Variants in CPLANE1 observed in about 807,000 individuals in gnomAD.
CPLANE1 encodes the protein ciliogenesis and planar polarity effector 1.
Under a neutral mutation model 362.5 loss-of-function variants are expected in CPLANE1, and 263 were observed. The ratio of observed to expected loss-of-function variants is 0.73; its 90% CI spans 0.66 to 0.80. The LOEUF (loss-of-function observed/expected upper bound fraction) is 0.80. CPLANE1 is among the 30% of genes least tolerant of loss of function. The pLI is 0.00. For synonymous variants in CPLANE1, 1,212 were observed against 1,302.6 expected (o/e 0.93, Z 1.50); for missense variants, 3,461 against 3,793.4 (o/e 0.91, Z 2.30).
At chr5:37,093,363 G>A in the CPLANE1 span, among the ~76,000 whole-genome samples, 16 of 152,340 alleles carry the variant, frequency 1.1e-4, no homozygotes, top group African/African-American at 3.1e-4. Context: ...CTGCAACTGG[G>A]AGCATAAGCA....
rs1324649536 is a variant in CPLANE1, at chr5:37,239,729, T to G, written c.818A>C (p.Asn273Thr). The change falls in exon 7 of 53, where the codon AAT becomes ACT. Residue 273 changes from asparagine (N) to threonine (T), a missense_variant. This residue lies in a region of CPLANE1 where 3,380 missense variants were observed against 3,666.1 expected (regional missense o/e 0.92). Transcript: ENST00000651892. ...TTTACTGACCTTGGGGTCTTTCTGATTAAGAGTTACTGCCAGGGTAAGGCC... is the reference window on the plus strand; with the variant it reads ...TTTACTGACCTTGGGGTCTTTCTGAGTAAGAGTTACTGCCAGGGTAAGGCC... The part of the protein sequence containing the change: ...RDGLTLAVTL[N>T]QKDPKATQVL... 9.1e-6 allele frequency: 14 copies of G among 1,530,284 alleles called. No individual in the cohort carries two copies. The highest frequency in any genetic ancestry group is 1.2e-5 in the Non-Finnish European group (14 of 1,135,766). The allele number at this position is 1,530,284 out of a possible 1,614,324, so 94.8% of individuals were successfully genotyped here. A position where few individuals can be genotyped will look rare whatever the true frequency, so the allele number is the denominator to read the frequency against.
chr5:37,100,862 C>T, the CPLANE1 span, among the ~76,000 whole-genome samples: 1 of 152,096 alleles, frequency 6.6e-6, no homozygotes, highest in South Asian at 2.1e-4. Context: ...ATTTTATTCT[C>T]TTTGTAGCAA....
intron 16 of CPLANE1, chr5:37,211,231 C>G (rs1580770913): frequency 8.8e-6 from 13 of 1,484,538 alleles, no homozygotes; most frequent in African/African-American, 1.4e-5. Context: ...TCCCCTGATT[C>G]TGACCTTGAG....
chr5:37,212,255 G>A (rs2150225655), intron 16 of CPLANE1: 3 of 1,408,314 alleles, frequency 2.1e-6, no homozygotes, highest in Admixed American at 3.4e-5. Context: ...AGCAAGACCA[G>A]GAGTCGGCAG....
At chr5:37,204,923 AAAGCAG>A (rs1790278003) in intron 18 of CPLANE1, among the ~76,000 whole-genome samples, 3 of 152,300 alleles carry the variant, frequency 2.0e-5, no homozygotes, top group Admixed American at 6.5e-5. Flanking sequence ...TTGGGAGGCC[AAAGCAG>A]GCGGATCACC....
intron 37 of CPLANE1, among the ~76,000 whole-genome samples, chr5:37,163,826 T>C (rs1777525315): frequency 6.6e-6 from 1 of 152,152 alleles, no homozygotes; most frequent in African/African-American, 2.4e-5. Flanking sequence ...AATTCACTCA[T>C]CCTACTGCCA....
intron 21 of CPLANE1, among the ~76,000 whole-genome samples, chr5:37,193,073 G>A (rs554630331): frequency 1.1e-4 from 17 of 151,320 alleles, no homozygotes; most frequent in African/African-American, 2.9e-4. Flanking sequence ...AGGCTGAGGC[G>A]GAGAATTGCT....
At chr5:37,127,640 T>C (rs1764578206) in intron 46 of CPLANE1, among the ~76,000 whole-genome samples, 2 of 150,420 alleles carry the variant, frequency 1.3e-5, no homozygotes, top group Admixed American at 6.7e-5. Flanking sequence ...TGCCTCAGCC[T>C]CCCGAGTAGC....
At chr5:37,245,108 C>T (rs1382571698) in intron 4 of CPLANE1, among the ~76,000 whole-genome samples, 1 of 150,998 alleles carries the variant, frequency 6.6e-6, no homozygotes, top group Non-Finnish European at 1.5e-5. Context: ...CCCACCACTG[C>T]ACTCCAGCCT....
chr5:37,218,948 C>CA lies in CPLANE1; in HGVS notation c.2746+2375dup, dbSNP rs773096225. Among the ~76,000 whole-genome samples the CA allele has an allele frequency of 8.8e-3, 1,037 of 117,600 alleles. 7 individuals are homozygous for CA. Among genetic ancestry groups the CA allele is most frequent in the African/African-American group, 0.024 (771 of 31,598 alleles). The allele number at this position is 117,600 out of a possible 152,430, so 77.2% of individuals were successfully genotyped here. ...GTGCCACAAGAGCGAAACTCCATCT[C>CA]AAAAAAAAAAAAAAATTAAAACAAA... On this transcript the variant is annotated intron_variant, in intron 15 of 52. Coordinates refer to ENST00000651892, the MANE Select transcript of CPLANE1 (RefSeq NM_001384732.1).
chr5:37,190,135 A>G (rs1189533479), intron 21 of CPLANE1, among the ~76,000 whole-genome samples: 1 of 152,184 alleles, frequency 6.6e-6, no homozygotes, highest in Non-Finnish European at 1.5e-5. Context: ...ATTTTAAATC[A>G]TGGTCAAAAA....
the CPLANE1 span, among the ~76,000 whole-genome samples, chr5:37,081,359 G>C: frequency 6.6e-6 from 1 of 152,054 alleles, no homozygotes; most frequent in Non-Finnish European, 1.5e-5. Context: ...CTCTCTCTCT[G>C]TCACCCAGGC....
At chr5:37,196,155 G>A (rs1787358834) in intron 20 of CPLANE1, among the ~76,000 whole-genome samples, 159 bp from the exon 21 acceptor site, 1 of 145,410 alleles carries the variant, frequency 6.9e-6, no homozygotes, top group African/African-American at 2.6e-5. Flanking sequence ...ATTTAATTCA[G>A]GAAAGTCACT....
intron 16 of CPLANE1, chr5:37,211,432 G>A (rs1032672996): frequency 4.0e-6 from 6 of 1,499,946 alleles, no homozygotes; most frequent in African/African-American, 2.8e-5. Context: ...CCGGAAAGAC[G>A]TATTTTTGCA....
intron 10 of CPLANE1, 86 bp from the exon 11 acceptor site, chr5:37,227,478 G>A (rs532583573): frequency 1.4e-6 from 2 of 1,479,870 alleles, no homozygotes; most frequent in Non-Finnish European, 1.8e-6. Flanking sequence ...ATAGACAACT[G>A]TATACAATTC....
the CPLANE1 span, chr5:37,085,947 A>C: frequency 4.8e-6 from 3 of 625,160 alleles, no homozygotes; most frequent in Non-Finnish European, 8.4e-6. Flanking sequence ...GCAGTTTAAA[A>C]GGACAAAGAG....
intron 9 of CPLANE1, 105 bp from the exon 10 acceptor site, chr5:37,227,922 C>A (rs1796812234): frequency 8.9e-7 from 1 of 1,119,772 alleles, no homozygotes; most frequent in Admixed American, 3.0e-5. Flanking sequence ...AATGAAAAAG[C>A]AAGCAAGTGA....
intron 16 of CPLANE1, chr5:37,210,496 A>G (rs1204893945): frequency 4.6e-6 from 6 of 1,294,072 alleles, no homozygotes; most frequent in Middle Eastern, 1.9e-4. Flanking sequence ...AATAAAGAAA[A>G]AGCTGTTCAT....
intron 36 of CPLANE1, among the ~76,000 whole-genome samples, chr5:37,164,725 A>G (rs533485011): frequency 4.6e-5 from 7 of 152,342 alleles, no homozygotes; most frequent in Admixed American, 1.3e-4. Context: ...TTAAAAATCA[A>G]TGTAAACAAA....
Sources: allele counts gnomAD v4.1 joint callset (sites outside exome capture counted in the v4.1 genomes callset), GRCh38; gene constraint gnomAD v4.1.1; regional missense constraint gnomAD v4.1.1; transcripts MANE v1.5; gene names NCBI Gene and HGNC (gene_info 2026-07-23, HGNC 2026-07-21).